ADAM22: variants seen among roughly 807,000 people sequenced by gnomAD.
ADAM22 encodes disintegrin and metalloproteinase domain-containing protein 22.
In ADAM22, 65 loss-of-function variants were observed where a neutral mutation model predicts 144.6. The ratio of observed to expected loss-of-function variants is 0.45; its 90% CI spans 0.37 to 0.55. The LOEUF is 0.55. Among genes scored for constraint, ADAM22 ranks in the 20% least tolerant of loss-of-function variants. The pLI is 0.00. For synonymous variants in ADAM22, 391 were observed against 412.6 expected, an observed-to-expected ratio of 0.95 and a Z score of 0.63; for missense variants, 974 against 1,184.9, an observed-to-expected ratio of 0.82 and a Z score of 2.61.
chr7:88,154,109 TG>T (rs1027858843), intron 21 of ADAM22, among the ~76,000 whole-genome samples: 6 of 152,184 alleles, frequency 3.9e-5, no homozygotes, highest in African/African-American at 1.4e-4. Flanking sequence ...TCCCATTTTA[TG>T]GAGGAGGAAA....
rs553511687 is a variant in ADAM22, at chr7:88,185,017, A to G, written c.2664-1598A>G. ...GTGTGGCTATGTTTCACCTGATTAT[A>G]GCTGCATGGGCTTTTTCTACGGTTT... is the stretch of plus-strand genomic sequence containing the variant. On this transcript the variant is annotated intron_variant, in intron 29 of 31. Transcript: ENST00000413139. Among the ~76,000 whole-genome samples the G allele has an allele frequency of 3.3e-5, 5 of 152,322 alleles. No homozygotes were observed. In the South Asian group the frequency reaches 8.3e-4, roughly 25 times the overall value.
chr7:88,024,718 C>T (rs1241512751), intron 3 of ADAM22, among the ~76,000 whole-genome samples: 4 of 131,898 alleles, frequency 3.0e-5, no homozygotes, highest in African/African-American at 8.7e-5. Flanking sequence ...CACCTCACAA[C>T]AGACCCCAGT....
intron 23 of ADAM22, 40 bp from the exon 24 acceptor site, chr7:88,165,792 A>G (rs1268681764): frequency 7.1e-7 from 1 of 1,401,356 alleles, no homozygotes; most frequent in Non-Finnish European, 1.0e-6. Context: ...CTTCTGTACC[A>G]GAGAGTTGAC....
intron 3 of ADAM22, among the ~76,000 whole-genome samples, chr7:88,037,129 G>A (rs967442035): frequency 4.6e-5 from 7 of 152,090 alleles, no homozygotes; most frequent in Admixed American, 2.0e-4. Flanking sequence ...ACATATTTGC[G>A]CAGTAGAGCC....
intron 3 of ADAM22, among the ~76,000 whole-genome samples, chr7:88,050,386 A>T (rs997008320): frequency 6.6e-6 from 1 of 151,566 alleles, no homozygotes; most frequent in Admixed American, 6.6e-5. Context: ...TGTCAGAGTG[A>T]GACCCTGTCT....
At chr7:88,024,686 T>A (rs1322384366) in intron 3 of ADAM22, among the ~76,000 whole-genome samples, 2 of 150,278 alleles carry the variant, frequency 1.3e-5, no homozygotes, top group Non-Finnish European at 3.0e-5. Flanking sequence ...AATCTCCTAA[T>A]GCTATCCCTC....
At chr7:87,982,698 T>TATATAA (rs1190579885) in intron 3 of ADAM22, among the ~76,000 whole-genome samples, 1 of 72,868 alleles carries the variant, frequency 1.4e-5, no homozygotes, top group South Asian at 3.4e-4. Context: ...TATATATATA[T>TATATAA]AATTTTTTTT....
intron 11 of ADAM22, 33 bp downstream of exon 11, chr7:88,131,468 T>A: frequency 6.2e-7 from 1 of 1,601,492 alleles, no homozygotes; most frequent in Non-Finnish European, 8.6e-7. Flanking sequence ...TATTACTTTT[T>A]TTGATTCCAT....
intron 4 of ADAM22, among the ~76,000 whole-genome samples, chr7:88,078,166 G>A (rs757204562): frequency 3.3e-5 from 5 of 152,172 alleles, no homozygotes; most frequent in African/African-American, 4.8e-5. Flanking sequence ...CCAGAGGAAC[G>A]ATCAGGCAGC....
At chr7:88,020,812 G>A (rs908944822) in intron 3 of ADAM22, among the ~76,000 whole-genome samples, 8 of 152,110 alleles carry the variant, frequency 5.3e-5, no homozygotes, top group Middle Eastern at 3.2e-3. Flanking sequence ...TTTTCAGTGA[G>A]ACCATTTACA....
chr7:88,116,643 T>C lies in ADAM22; in HGVS notation c.538-102T>C, dbSNP rs986867019. On this transcript the variant is annotated intron_variant, in intron 6 of 31. Coordinates refer to ENST00000413139, the MANE Select transcript of ADAM22 (RefSeq NM_001324418.2). ...ACCTCTCTAAACCCAGGAGAATGCA[T>C]AGGCAAGCTGTGGTTCTTTTAAGGG... 2.1e-5 allele frequency: 19 copies of C among 899,100 alleles called. No individual in the cohort carries two copies. In the African/African-American group the frequency reaches 2.3e-4, roughly 11 times the overall value. The allele number at this position is 899,100 out of a possible 1,614,324, so 55.7% of individuals were successfully genotyped here. A position where few individuals can be genotyped will look rare whatever the true frequency, so the allele number is the denominator to read the frequency against.
intron 2 of ADAM22, among the ~76,000 whole-genome samples, chr7:87,958,118 C>T (rs544898596): frequency 2.4e-4 from 37 of 152,108 alleles, no homozygotes; most frequent in Middle Eastern, 6.8e-3. Flanking sequence ...GTATTTATAG[C>T]GTATTTATTC....
chr7:88,162,130 A>ACACACC (rs774035065), intron 22 of ADAM22, among the ~76,000 whole-genome samples: 1 of 150,206 alleles, frequency 6.7e-6, no homozygotes, highest in East Asian at 1.9e-4. Flanking sequence ...ACACACACAC[A>ACACACC]CACCATGGAA....
chr7:87,971,133 T>G (rs943174474), intron 2 of ADAM22, among the ~76,000 whole-genome samples: 1 of 152,330 alleles, frequency 6.6e-6, no homozygotes, highest in East Asian at 1.9e-4. Flanking sequence ...TTAGGACATG[T>G]GCTGTGTGTC....
intron 2 of ADAM22, among the ~76,000 whole-genome samples, chr7:87,952,895 A>G (rs1249332337): frequency 1.3e-5 from 2 of 152,148 alleles, no homozygotes; most frequent in Non-Finnish European, 2.9e-5. Context: ...TGAGGAATTT[A>G]TCCATTTCTT....
chr7:87,984,638 G>A lies in ADAM22; in HGVS notation c.323+6226G>A, dbSNP rs867305571. On this transcript the variant is annotated intron_variant, in intron 3 of 31. Transcript: ENST00000413139. ...GTTCCTATTCTTAAATCCTCTTTCC[G>A]AATCCTATTTTTATTTTTGGTTATC... 6.6e-5 allele frequency among the ~76,000 whole-genome samples: 10 copies of A among 151,940 alleles called. No homozygotes were observed. The South Asian group carries it at 1.0e-3, about 16-fold the overall frequency.
chr7:88,024,605 G>C (rs1471651463), intron 3 of ADAM22, among the ~76,000 whole-genome samples: 4 of 151,640 alleles, frequency 2.6e-5, no homozygotes, highest in African/African-American at 7.3e-5. Context: ...CAACGTGCAG[G>C]CTTGTTACAT....
intron 3 of ADAM22, among the ~76,000 whole-genome samples, chr7:88,043,410 G>C (rs909209603): frequency 3.3e-5 from 5 of 151,684 alleles, no homozygotes; most frequent in Admixed American, 3.3e-4. Flanking sequence ...GTGTAAACCT[G>C]GGTGGCAGAG....
intron 22 of ADAM22, 38 bp from the exon 23 acceptor site, chr7:88,162,974 A>G (rs781601462): frequency 1.0e-5 from 16 of 1,597,884 alleles, no homozygotes; most frequent in Non-Finnish European, 1.4e-5. Context: ...ATGAAGGTGA[A>G]TTAATAGATT....
Sources: gnomAD v4.1 joint callset for allele counts (sites outside exome capture counted in the v4.1 genomes callset) on GRCh38, gnomAD v4.1.1 for gene constraint, MANE v1.5 for transcripts, NCBI Gene and HGNC (gene_info 2026-07-23, HGNC 2026-07-21) for gene names.